The following PFKFB4 variants were observed in gnomAD, a reference collection of about 807,000 sequenced individuals.
PFKFB4 encodes the protein 6-phosphofructo-2-kinase/fructose-2,6-bisphosphatase 4.
A neutral mutation model predicts 62.8 loss-of-function variants in PFKFB4; 42 were observed. The ratio of observed to expected loss-of-function variants is 0.67; its 90% CI spans 0.52 to 0.86. The LOEUF (loss-of-function observed/expected upper bound fraction) is 0.86, where lower values mean the gene tolerates loss of function less well. Among genes scored for constraint, PFKFB4 ranks in the 40% least tolerant of loss-of-function variants. PFKFB4 has a pLI of 0.00. For synonymous variants in PFKFB4, 204 were observed against 240.7 expected (o/e 0.85, Z 1.41); for missense variants, 475 against 627.2 (o/e 0.76, Z 2.59).
intron 3 of PFKFB4, among the ~76,000 whole-genome samples, chr3:48,548,964 GCAGCCTGGTAGC>G (rs2043046113): frequency 6.6e-6 from 1 of 152,182 alleles, no homozygotes; most frequent in Non-Finnish European, 1.5e-5. Context: ...GACCCCAGTG[GCAGCCTGGTAGC>G]CACTGGGCTT....
Position 48,543,566 on chromosome 3 carries a change from G to C in PFKFB4, c.378+14C>G, listed in dbSNP as rs757982455. 9 of 1,602,448 alleles carry C rather than the reference G, an allele frequency of 5.6e-6. No homozygotes were observed. The East Asian group carries it at 2.0e-4, about 36-fold the overall frequency. ...ATGTGTCACTCCCAGCTGTCACCAGGGTGTCACACTCACCGCCACATGTCC... is the reference window on the plus strand; with the variant it reads ...ATGTGTCACTCCCAGCTGTCACCAGCGTGTCACACTCACCGCCACATGTCC... On this transcript the variant is annotated intron_variant, in intron 4 of 13. Coordinates refer to ENST00000232375, the MANE Select transcript of PFKFB4 (RefSeq NM_004567.4).
At position 48,519,510 on chromosome 3, in the gene PFKFB4, A is replaced by C; in HGVS notation, c.*237T>G. On this transcript the variant is annotated 3_prime_UTR_variant, in exon 14 of 14. Transcript: ENST00000232375. ...TGGGCAACCTCCGCGCAGCCCATGC[A>C]GATGCAGTCTGGTCAAGTGACTCTT... The C allele has an allele frequency of 1.9e-6, 1 of 530,680 alleles. No individual in the cohort carries two copies. The highest frequency in any genetic ancestry group is 3.4e-6 in the Non-Finnish European group (1 of 295,328). The allele number at this position is 530,680 out of a possible 1,614,324, so 32.9% of individuals were successfully genotyped here. A position where few individuals can be genotyped will look rare whatever the true frequency, so the allele number is the denominator to read the frequency against.
chr3:48,538,220 C>A (rs556677903), intron 7 of PFKFB4, among the ~76,000 whole-genome samples: 11 of 152,292 alleles, frequency 7.2e-5, no homozygotes, highest in African/African-American at 2.6e-4. Flanking sequence ...AAAATATTTG[C>A]CAACCCCTGC....
intron 2 of PFKFB4, 26 bp downstream of exon 2, chr3:48,550,092 C>CT: frequency 6.5e-7 from 1 of 1,546,160 alleles, no homozygotes; most frequent in Non-Finnish European, 8.9e-7. Context: ...CAAAGCTCCC[C>CT]TTAGACAGCT....
chr3:48,527,283 G>GTTT (rs1181191209), intron 9 of PFKFB4, among the ~76,000 whole-genome samples: 6 of 135,682 alleles, frequency 4.4e-5, no homozygotes, highest in Non-Finnish European at 8.0e-5. Flanking sequence ...ACATTTAGTG[G>GTTT]TTTTTTTTTT....
At chr3:48,531,646 A>ATGTGT (rs1271828482) in intron 9 of PFKFB4, among the ~76,000 whole-genome samples, 2 of 151,630 alleles carry the variant, frequency 1.3e-5, no homozygotes, top group Non-Finnish European at 2.9e-5. Context: ...TTTTAAATTT[A>ATGTGT]GCTGGGTATG....
rs2043327972 is a variant in PFKFB4 at position 48,556,589 on chromosome 3, C to T, written c.97+92G>A. On this transcript the variant is annotated intron_variant, in intron 1 of 13. Coordinates refer to ENST00000232375, the MANE Select transcript of PFKFB4 (RefSeq NM_004567.4). The surrounding 1 kb of genome is among the most constrained non-coding windows in gnomAD (Gnocchi z 5.7). The stretch of plus-strand genomic sequence containing the variant: ...CTGTCCCCGGTTCCCCATCTGTCTC[C>T]CGCCCCTTCTCCATGCGAGACCCCC... 7.1e-7 allele frequency: 1 copy of T among 1,412,846 alleles called. No homozygotes were observed. The highest frequency in any genetic ancestry group is 9.5e-7 in the Non-Finnish European group (1 of 1,047,120). The allele number at this position is 1,412,846 out of a possible 1,614,324, so 87.5% of individuals were successfully genotyped here.
chr3:48,550,916 C>T lies in PFKFB4; in HGVS notation c.98-682G>A, dbSNP rs1387447703. ...CCCTTTAGGGCCCTGGGGCCTGGCA[C>T]AGCGCTGGTGCTCAGGAACTGTGGG... is the stretch of plus-strand genomic sequence containing the variant. On this transcript the variant is annotated intron_variant, in intron 1 of 13. Coordinates refer to ENST00000232375, the MANE Select transcript of PFKFB4 (RefSeq NM_004567.4). Among the ~76,000 whole-genome samples the T allele has an allele frequency of 2.6e-5, 4 of 152,230 alleles. No individual in the cohort carries two copies. The East Asian group carries it at 5.8e-4, about 22-fold the overall frequency.
intron 13 of PFKFB4, among the ~76,000 whole-genome samples, chr3:48,520,196 CTAGTT>C (rs978963815): frequency 5.9e-5 from 9 of 152,120 alleles, no homozygotes; most frequent in East Asian, 1.9e-4. Flanking sequence ...TGCCTCCTTC[CTAGTT>C]TAAAGTGTTG....
chr3:48,541,119 C>T (rs1374808651), intron 4 of PFKFB4, among the ~76,000 whole-genome samples: 1 of 146,292 alleles, frequency 6.8e-6, no homozygotes, highest in Admixed American at 6.9e-5. Flanking sequence ...GAGTCTTGCT[C>T]TGTCACCCAG....
Position 48,527,014 on chromosome 3 carries a change from C to A in PFKFB4, c.988-1345G>T, listed in dbSNP as rs376185416. 2.6e-5 allele frequency among the ~76,000 whole-genome samples: 4 copies of A among 151,634 alleles called. No homozygotes were observed. The East Asian group carries it at 7.7e-4, about 29-fold the overall frequency. On this transcript the variant is annotated intron_variant, in intron 9 of 13. Transcript: ENST00000232375. ...ATAGGGAAGAAAGCCATGTGATGAC[C>A]GTGGACAGAGGTGGGATTGGAGTGA... is the stretch of plus-strand genomic sequence containing the variant.
At chr3:48,555,446 A>T (rs758496981) in intron 1 of PFKFB4, among the ~76,000 whole-genome samples, 1 of 152,218 alleles carries the variant, frequency 6.6e-6, no homozygotes, top group Non-Finnish European at 1.5e-5. Context: ...TATCATACAT[A>T]AGCAGAGGCA....
At chr3:48,530,336 A>C (rs2042392707) in intron 9 of PFKFB4, among the ~76,000 whole-genome samples, 1 of 152,180 alleles carries the variant, frequency 6.6e-6, no homozygotes, top group African/African-American at 2.4e-5. Flanking sequence ...AAACAGAGCA[A>C]AAAGGAAATG....
intron 8 of PFKFB4, 90 bp from the exon 9 acceptor site, chr3:48,535,748 G>A (rs1560162648): frequency 6.9e-6 from 10 of 1,453,728 alleles, no homozygotes; most frequent in Middle Eastern, 1.8e-4. Flanking sequence ...GATCACCCTC[G>A]CCTTGAACAC....
chr3:48,536,691 C>T (rs2042629774), intron 7 of PFKFB4: 3 of 534,648 alleles, frequency 5.6e-6, no homozygotes, highest in Admixed American at 6.4e-5. Flanking sequence ...GGGAGGTGCT[C>T]GTCACTCATC....
intron 10 of PFKFB4, 116 bp from the exon 11 acceptor site, chr3:48,523,946 T>C (rs2042176886): frequency 2.5e-6 from 3 of 1,187,188 alleles, no homozygotes; most frequent in Admixed American, 4.3e-5. Flanking sequence ...TGGGAAGCTG[T>C]GGCTGGGCCT....
chr3:48,540,770 T>C (rs1028625021), intron 4 of PFKFB4, among the ~76,000 whole-genome samples: 2 of 145,518 alleles, frequency 1.4e-5, no homozygotes, highest in African/African-American at 5.5e-5. Context: ...CCACCATACC[T>C]GGCTAATTTT....
At chr3:48,534,405 T>C (rs932163405) in intron 9 of PFKFB4, among the ~76,000 whole-genome samples, 4 of 151,678 alleles carry the variant, frequency 2.6e-5, no homozygotes, top group Admixed American at 6.6e-5. Flanking sequence ...ATGATAAACA[T>C]AAAGAAAACC....
At chr3:48,562,814 C>A (rs374482474), upstream of PFKFB4, 2 of 1,564,794 alleles carry the variant, frequency 1.3e-6, no homozygotes, top group African/African-American at 1.3e-5. The surrounding 1 kb of genome is among the most constrained non-coding windows in gnomAD (Gnocchi z 4.3). Context: ...GGCCAGGATG[C>A]GGGCGTTGGT....
Sources: gnomAD v4.1 joint callset for allele counts (sites outside exome capture counted in the v4.1 genomes callset) on GRCh38, gnomAD v4.1.1 for gene constraint, Gnocchi (gnomAD v3.1) non-coding constraint, MANE v1.5 for transcripts, NCBI Gene and HGNC (gene_info 2026-07-23, HGNC 2026-07-21) for gene names.